The following CCDC178 variants were observed in gnomAD, a reference collection of about 807,000 sequenced individuals.
CCDC178 encodes coiled-coil domain containing 178.
A neutral mutation model predicts 117.4 loss-of-function variants in CCDC178; 126 were observed. That is an observed-to-expected ratio of 1.07 (90% confidence interval 0.93 to 1.24). The LOEUF is 1.24. CCDC178 is among the 50% of genes most tolerant of loss of function. The probability of loss-of-function intolerance (pLI) is 0.00; values close to 1 mark genes in which losing one functional copy is unlikely to be tolerated. For missense variants in CCDC178, 1,030 were observed against 986.9 expected, an observed-to-expected ratio of 1.04 and a Z score of -0.59; for synonymous variants, 283 against 313.4, an observed-to-expected ratio of 0.90 and a Z score of 1.02.
chr18:33,438,518 T>C (rs12956958), intron 2 of CCDC178, among the ~76,000 whole-genome samples: 2 of 146,444 alleles, frequency 1.4e-5, no homozygotes, highest in African/African-American at 5.0e-5. Context: ...ATATACGGCA[T>C]ACACACACAC....
chr18:33,043,564 C>T (rs1176875430), intron 21 of CCDC178, among the ~76,000 whole-genome samples: 1 of 152,052 alleles, frequency 6.6e-6, no homozygotes, highest in Admixed American at 6.6e-5. Context: ...TAAAATTAAA[C>T]ATAACATAAT....
intron 20 of CCDC178, among the ~76,000 whole-genome samples, chr18:33,191,945 T>C (rs1340542595): frequency 6.6e-6 from 1 of 152,180 alleles, no homozygotes; most frequent in Non-Finnish European, 1.5e-5. Context: ...GAGAAATTAG[T>C]AATACATTAA....
intron 14 of CCDC178, among the ~76,000 whole-genome samples, chr18:33,256,579 G>A (rs1018644450): frequency 6.6e-6 from 1 of 152,100 alleles, no homozygotes; most frequent in African/African-American, 2.4e-5. Flanking sequence ...TGTTGTGTGG[G>A]ATTTATGCTG....
At chr18:33,369,743 T>C (rs1441390975) in intron 6 of CCDC178, among the ~76,000 whole-genome samples, 2 of 151,956 alleles carry the variant, frequency 1.3e-5, no homozygotes, top group Non-Finnish European at 2.9e-5. Context: ...CCAAAAAGTA[T>C]GTAAATACTA....
At chr18:33,172,782 T>C (rs769647327) in intron 20 of CCDC178, among the ~76,000 whole-genome samples, 6 of 152,224 alleles carry the variant, frequency 3.9e-5, no homozygotes, top group Non-Finnish European at 7.4e-5. Context: ...TAACAAAACA[T>C]GCTGCTTCCA....
At chr18:33,078,819 A>G (rs2057252317) in intron 21 of CCDC178, among the ~76,000 whole-genome samples, 1 of 152,242 alleles carries the variant, frequency 6.6e-6, no homozygotes, top group Non-Finnish European at 1.5e-5. Flanking sequence ...GCTCATGGAT[A>G]GAAAGAATCA....
intron 21 of CCDC178, among the ~76,000 whole-genome samples, chr18:32,979,770 C>T (rs963217819): frequency 6.6e-6 from 1 of 152,068 alleles, no homozygotes; most frequent in Non-Finnish European, 1.5e-5. Flanking sequence ...AATGAGACAA[C>T]TGTGAAACAA....
intron 20 of CCDC178, among the ~76,000 whole-genome samples, chr18:33,175,499 C>T (rs1170261982): frequency 6.6e-6 from 1 of 152,046 alleles, no homozygotes; most frequent in African/African-American, 2.4e-5. Flanking sequence ...CCCCTCCATG[C>T]CCAACTCTCA....
At chr18:33,262,625 G>A (rs192614568) in intron 14 of CCDC178, among the ~76,000 whole-genome samples, 13 of 152,010 alleles carry the variant, frequency 8.6e-5, no homozygotes, top group Non-Finnish European at 1.2e-4. Flanking sequence ...ATAAAAACAC[G>A]TATTGCATGC....
intron 14 of CCDC178, among the ~76,000 whole-genome samples, chr18:33,252,159 G>A (rs192403594): frequency 3.4e-4 from 52 of 151,702 alleles, no homozygotes; most frequent in Middle Eastern, 6.8e-3. Context: ...CTCAATTCTT[G>A]GAAATGACAA....
intron 12 of CCDC178, 70 bp downstream of exon 12, chr18:33,293,089 A>G (rs1161714341): frequency 1.1e-5 from 12 of 1,094,754 alleles, no homozygotes; most frequent in Admixed American, 2.8e-5. Context: ...TTAATTATTG[A>G]CAAAAAAGTT....
chr18:33,171,496 T>C (rs2058598342), intron 20 of CCDC178, among the ~76,000 whole-genome samples: 1 of 152,176 alleles, frequency 6.6e-6, no homozygotes, highest in East Asian at 1.9e-4. Context: ...AGAAATAGCT[T>C]TCTGCTGGTC....
chr18:33,028,085 G>A (rs2056263549), intron 21 of CCDC178, among the ~76,000 whole-genome samples: 2 of 151,596 alleles, frequency 1.3e-5, no homozygotes, highest in Non-Finnish European at 3.0e-5. Context: ...AAAGAACTTA[G>A]TGAAAGAATT....
chr18:33,236,785 G>A (rs2059430912), intron 15 of CCDC178, among the ~76,000 whole-genome samples: 1 of 152,152 alleles, frequency 6.6e-6, no homozygotes, highest in South Asian at 2.1e-4. Flanking sequence ...GTCCAAGAGA[G>A]CAGCACGAAG....
chr18:33,424,930 C>T (rs910541081), intron 2 of CCDC178, among the ~76,000 whole-genome samples: 6 of 152,140 alleles, frequency 3.9e-5, no homozygotes, highest in African/African-American at 1.4e-4. Context: ...TGGGCTCGAA[C>T]CTGACCCCAG....
At chr18:33,243,612 C>G (rs1256742119) in intron 15 of CCDC178, among the ~76,000 whole-genome samples, 1 of 151,800 alleles carries the variant, frequency 6.6e-6, no homozygotes, top group Admixed American at 6.6e-5. Context: ...AGAGTTACAT[C>G]AAACTTGCAT....
At chr18:33,409,063 AAC>A (rs1335016448) in intron 3 of CCDC178, among the ~76,000 whole-genome samples, 5 of 152,192 alleles carry the variant, frequency 3.3e-5, no homozygotes, top group African/African-American at 1.2e-4. Context: ...GTCAACTGAG[AAC>A]ACAGAATAAT....
intron 6 of CCDC178, 86 bp from the exon 7 acceptor site, chr18:33,356,432 T>G: frequency 4.9e-6 from 6 of 1,216,444 alleles, no homozygotes; most frequent in African/African-American, 1.6e-5. Context: ...GTCAATTCTC[T>G]ACTTTACATA....
intron 22 of CCDC178, among the ~76,000 whole-genome samples, chr18:32,962,423 T>C (rs952541859): frequency 7.9e-5 from 12 of 152,114 alleles, no homozygotes; most frequent in Admixed American, 5.2e-4. Context: ...CTTTTAGCAT[T>C]TACTGTAATT....
Sources: gnomAD v4.1 joint callset for allele counts (sites outside exome capture counted in the v4.1 genomes callset) on GRCh38, gnomAD v4.1.1 for gene constraint, MANE v1.5 for transcripts, NCBI Gene and HGNC (gene_info 2026-07-23, HGNC 2026-07-21) for gene names.